Variants in CDC14B observed in about 807,000 individuals in gnomAD.
The protein encoded by CDC14B is dual specificity protein phosphatase CDC14B.
Under a neutral mutation model 64.2 loss-of-function variants are expected in CDC14B, and 22 were observed. The observed-to-expected ratio is 0.34, with a 90% confidence interval of 0.24 to 0.49. CDC14B has a LOEUF of 0.49. CDC14B is among the 20% of genes least tolerant of loss of function. The pLI is 0.99. For missense variants in CDC14B, 498 were observed against 629.9 expected (o/e 0.79, Z 2.24); for synonymous variants, 191 against 215.8 (o/e 0.89, Z 1.01).
At chr9:96,593,316 G>A (rs1177958522) in intron 1 of CDC14B, among the ~76,000 whole-genome samples, 4 of 151,916 alleles carry the variant, frequency 2.6e-5, no homozygotes, top group African/African-American at 4.8e-5. Flanking sequence ...GTGAAACCCC[G>A]TCTCTACTAA....
intron 5 of CDC14B, among the ~76,000 whole-genome samples, chr9:96,544,089 C>T (rs1483116291): frequency 6.6e-6 from 1 of 152,142 alleles, no homozygotes; most frequent in African/African-American, 2.4e-5. Context: ...TGGTGGCGCG[C>T]ACCTGTAGTC....
intron 4 of CDC14B, among the ~76,000 whole-genome samples, chr9:96,557,315 T>C (rs1027276734): frequency 1.3e-5 from 2 of 152,258 alleles, no homozygotes; most frequent in Admixed American, 1.3e-4. Flanking sequence ...TGCCTCGTGC[T>C]GTTTGCCCTG....
chr9:96,539,653 C>T (rs1290351731), intron 6 of CDC14B, among the ~76,000 whole-genome samples: 2 of 152,170 alleles, frequency 1.3e-5, no homozygotes, highest in Admixed American at 6.5e-5. Context: ...AATCAATGTT[C>T]CCTAAAGTAA....
downstream of CDC14B, among the ~76,000 whole-genome samples, chr9:96,499,827 A>AG (rs1833406097): frequency 6.6e-6 from 1 of 152,214 alleles, no homozygotes; most frequent in Admixed American, 6.5e-5. Context: ...GAGAGGCACC[A>AG]GGGCCACGCA....
chr9:96,607,715 G>A (rs1847063685), intron 1 of CDC14B, among the ~76,000 whole-genome samples: 1 of 152,124 alleles, frequency 6.6e-6, no homozygotes, highest in African/African-American at 2.4e-5. Context: ...GAGCCACCGC[G>A]CCCGGCCAAT....
At chr9:96,605,027 T>C (rs1012462715) in intron 1 of CDC14B, among the ~76,000 whole-genome samples, 1 of 152,022 alleles carries the variant, frequency 6.6e-6, no homozygotes, top group Non-Finnish European at 1.5e-5. Context: ...TTCTAACAAA[T>C]CCGCCCTGTC....
intron 9 of CDC14B, among the ~76,000 whole-genome samples, chr9:96,527,935 A>G (rs953915039): frequency 1.3e-5 from 2 of 152,112 alleles, no homozygotes; most frequent in African/African-American, 4.8e-5. Flanking sequence ...CCATTAAACA[A>G]TAACTACCAA....
intron 3 of CDC14B, 75 bp downstream of exon 3, chr9:96,564,702 A>G (rs1587989650): frequency 8.5e-6 from 7 of 825,078 alleles, no homozygotes; most frequent in South Asian, 1.7e-5. Context: ...CTTTTTAAAA[A>G]GAGATGTTTT....
chr9:96,615,000 C>A (rs1219260662), intron 1 of CDC14B, among the ~76,000 whole-genome samples: 1 of 152,048 alleles, frequency 6.6e-6, no homozygotes, highest in African/African-American at 2.4e-5. Context: ...GCCACCATGC[C>A]CAGTTAATTT....
chr9:96,619,372 G>T lies in CDC14B; in HGVS notation c.7C>A (p.Arg3=), dbSNP rs1847840027. 2 of 1,214,982 alleles carry T rather than the reference G, an allele frequency of 1.6e-6. No homozygotes were observed. Among genetic ancestry groups the T allele is most frequent in the African/African-American group, 3.1e-5 (2 of 63,506 alleles). The allele number at this position is 1,214,982 out of a possible 1,614,324, so 75.3% of individuals were successfully genotyped here. A position where few individuals can be genotyped will look rare whatever the true frequency, so the allele number is the denominator to read the frequency against. MK[R]KSERRSSWAA... ...CAGCTCGACCGCCGCTCGCTTTTCC[G>T]CTTCATGGAGGCGGCCGCGGCCCGT... The change falls in exon 1 of 14, where the codon CGG becomes AGG. Residue 3 remains arginine, a synonymous_variant. Coordinates refer to ENST00000375241, the MANE Select transcript of CDC14B (RefSeq NM_033331.4).
At chr9:96,547,479 A>AAGATACGG (rs1477703094) in intron 5 of CDC14B, among the ~76,000 whole-genome samples, 1 of 151,890 alleles carries the variant, frequency 6.6e-6, no homozygotes, top group African/African-American at 2.4e-5. Flanking sequence ...AAAAAAAAAA[A>AAGATACGG]AGATACGGTC....
intron 12 of CDC14B, among the ~76,000 whole-genome samples, chr9:96,516,012 C>T (rs1835606538): frequency 6.6e-6 from 1 of 152,184 alleles, no homozygotes; most frequent in Non-Finnish European, 1.5e-5. Context: ...CTTTGGGACT[C>T]AGTCACTAGT....
At chr9:96,545,739 T>G (rs1421067746) in intron 5 of CDC14B, among the ~76,000 whole-genome samples, 2 of 151,898 alleles carry the variant, frequency 1.3e-5, no homozygotes, top group Non-Finnish European at 2.9e-5. Context: ...GAACCTACTG[T>G]GGGGCACAGC....
rs1171246400 is a variant in CDC14B at position 96,501,579 on chromosome 9, T to C, written c.*2174A>G. 6.6e-6 allele frequency: 1 copy of C among 152,530 alleles called. No individual in the cohort carries two copies. Among genetic ancestry groups the C allele is most frequent in the African/African-American group, 2.4e-5 (1 of 41,436 alleles). The allele number at this position is 152,530 out of a possible 1,614,324, so 9.4% of individuals were successfully genotyped here. A position where few individuals can be genotyped will look rare whatever the true frequency, so the allele number is the denominator to read the frequency against. ...CCCTTGCTATGCACACCATCCCAAG[T>C]CATTTGGTTATTACAAGGAATGCCT... is the stretch of plus-strand genomic sequence containing the variant. On this transcript the variant is annotated 3_prime_UTR_variant, in exon 14 of 14. Transcript: ENST00000375241.
chr9:96,497,359 C>G (rs1161401585), downstream of CDC14B, among the ~76,000 whole-genome samples: 2 of 152,212 alleles, frequency 1.3e-5, no homozygotes, highest in African/African-American at 2.4e-5. Flanking sequence ...ACCCCCGAGG[C>G]GCTGGGGAGG....
In CDC14B at chr9:96,523,261, C is replaced by T. The variant is rs928310350; in HGVS notation, c.1245G>A (p.Pro415=). 5.6e-6 allele frequency: 9 copies of T among 1,613,758 alleles called. No individual in the cohort carries two copies. Among genetic ancestry groups the T allele is most frequent in the Admixed American group, 3.3e-5 (2 of 59,986 alleles). Residue 415 remains proline, a splice_region_variant and synonymous_variant, in exon 11 of 14, where the codon CCG becomes CCA. Transcript: ENST00000375241. ...VENQDQQEPE[P]YSDDDEINGV... is the part of the protein sequence containing the mutation. ...ATCGCAACAGAAACGGCTTGATTAC[C>T]GGTTCGGGTTCTTGCTGATCTTGAT...
At chr9:96,557,948 T>C (rs1842694133) in intron 4 of CDC14B, among the ~76,000 whole-genome samples, 1 of 152,224 alleles carries the variant, frequency 6.6e-6, no homozygotes, top group Non-Finnish European at 1.5e-5. Flanking sequence ...GGTGGTTAAT[T>C]TCCCAGGCTA....
chr9:96,548,254 A>T (rs927754026), intron 5 of CDC14B, among the ~76,000 whole-genome samples: 2 of 152,168 alleles, frequency 1.3e-5, no homozygotes, highest in African/African-American at 4.8e-5. Flanking sequence ...CAAATATACA[A>T]TACTACCTCT....
At chr9:96,534,566 T>A (rs1208255139) in intron 7 of CDC14B, 24 bp from the exon 8 acceptor site, 1 of 1,536,678 alleles carries the variant, frequency 6.5e-7, no homozygotes, top group South Asian at 1.1e-5. Context: ...ACCAGCACAA[T>A]TCGTTTTTAA....
Sources: gnomAD v4.1 joint callset for allele counts (sites outside exome capture counted in the v4.1 genomes callset) on GRCh38, gnomAD v4.1.1 for gene constraint, MANE v1.5 for transcripts, NCBI Gene and HGNC (gene_info 2026-07-23, HGNC 2026-07-21) for gene names.